Variants in MAPRE3 observed in about 807,000 individuals in gnomAD.
MAPRE3 encodes microtubule-associated protein RP/EB family member 3.
Under a neutral mutation model 30.5 loss-of-function variants are expected in MAPRE3, and 2 were observed. That is an observed-to-expected ratio of 0.07 (90% CI 0.03 to 0.21). MAPRE3 has a LOEUF of 0.21. MAPRE3 is among the 10% of genes least tolerant of loss of function. MAPRE3 has a pLI of 1.00. For synonymous variants in MAPRE3, 110 were observed against 127.7 expected (o/e 0.86, Z 0.93); for missense variants, 204 against 351.8 (o/e 0.58, Z 3.36).
chr2:26,999,703 T>C (rs1056747944), intron 1 of MAPRE3, among the ~76,000 whole-genome samples: 7 of 152,000 alleles, frequency 4.6e-5, no homozygotes, highest in African/African-American at 1.7e-4. Context: ...GGTTTCTCCA[T>C]GTTGGTCAGG....
At chr2:26,991,777 A>G (rs1666349324) in intron 1 of MAPRE3, among the ~76,000 whole-genome samples, 1 of 152,198 alleles carries the variant, frequency 6.6e-6, no homozygotes, top group Non-Finnish European at 1.5e-5. Context: ...TTGCATTTGT[A>G]GATCAGATTC....
intron 1 of MAPRE3, among the ~76,000 whole-genome samples, chr2:26,974,568 G>A (rs1665980005): frequency 6.6e-6 from 1 of 152,156 alleles, no homozygotes; most frequent in Non-Finnish European, 1.5e-5. Context: ...CCACCTCTCA[G>A]AATGGAACCT....
chr2:26,990,329 A>C (rs1666312461), intron 1 of MAPRE3, among the ~76,000 whole-genome samples: 1 of 151,910 alleles, frequency 6.6e-6, no homozygotes, highest in African/African-American at 2.4e-5. Context: ...GCCGCTTTCC[A>C]CTCAGTCCTT....
chr2:27,012,763 T>G (rs747462216), intron 1 of MAPRE3: 1 of 152,608 alleles, frequency 6.6e-6, no homozygotes, highest in Non-Finnish European at 1.5e-5. Context: ...CTGGACATCT[T>G]CAGCATCCGA....
At chr2:27,003,832 A>G (rs1347558237) in intron 1 of MAPRE3, among the ~76,000 whole-genome samples, 4 of 152,172 alleles carry the variant, frequency 2.6e-5, no homozygotes, top group Non-Finnish European at 5.9e-5. Context: ...GTCAAAGATT[A>G]TTTAAAACTC....
At chr2:26,976,999 G>A (rs1192754336) in intron 1 of MAPRE3, among the ~76,000 whole-genome samples, 2 of 152,150 alleles carry the variant, frequency 1.3e-5, no homozygotes, top group African/African-American at 4.8e-5. Context: ...GATTGGTCAG[G>A]CTCGCCCAAA....
chr2:26,995,874 G>A (rs1381470451), intron 1 of MAPRE3, among the ~76,000 whole-genome samples: 1 of 143,436 alleles, frequency 7.0e-6, no homozygotes, highest in Non-Finnish European at 1.5e-5. Flanking sequence ...ATACTAATGG[G>A]CCTTTTCTGT....
intron 1 of MAPRE3, among the ~76,000 whole-genome samples, chr2:27,019,002 C>T (rs1667053066): frequency 6.6e-6 from 1 of 151,950 alleles, no homozygotes; most frequent in Non-Finnish European, 1.5e-5. Context: ...CTGCAACACT[C>T]CACCTCTGGG....
At chr2:26,971,524 G>C (rs1338723245) in intron 1 of MAPRE3, among the ~76,000 whole-genome samples, 1 of 152,218 alleles carries the variant, frequency 6.6e-6, no homozygotes, top group East Asian at 1.9e-4. Context: ...AGAAGTAGTG[G>C]AGGGAAGGGA....
At chr2:27,001,228 G>A (rs1016044242) in intron 1 of MAPRE3, among the ~76,000 whole-genome samples, 1 of 152,198 alleles carries the variant, frequency 6.6e-6, no homozygotes, top group South Asian at 2.1e-4. Flanking sequence ...AGATGGTATT[G>A]CCTACTACAT....
chr2:26,995,301 T>G (rs1347150552), intron 1 of MAPRE3, among the ~76,000 whole-genome samples: 1 of 152,264 alleles, frequency 6.6e-6, no homozygotes, highest in Non-Finnish European at 1.5e-5. Flanking sequence ...CTGGTTTTGC[T>G]GCAGTCCTAT....
chr2:26,991,102 A>C lies in MAPRE3; in HGVS notation c.-8+20300A>C, dbSNP rs984354314. On this transcript the variant is annotated intron_variant, in intron 1 of 6. Coordinates refer to ENST00000233121, the MANE Select transcript of MAPRE3 (RefSeq NM_012326.4). ...CCCCGTCTCTACTAAAAATACAAAA[A>C]AATTAGCCAGGCGTGGTGGTGGGCG... Among the ~76,000 whole-genome samples the C allele has an allele frequency of 2.0e-5, 3 of 152,268 alleles. No individual in the cohort carries two copies. The East Asian group carries it at 5.8e-4, about 29-fold the overall frequency.
chr2:26,984,621 T>C (rs1387569850), intron 1 of MAPRE3, among the ~76,000 whole-genome samples: 1 of 152,258 alleles, frequency 6.6e-6, no homozygotes, highest in Non-Finnish European at 1.5e-5. Context: ...TTCTTCTGCA[T>C]ATGCAGCTTC....
intron 1 of MAPRE3, among the ~76,000 whole-genome samples, chr2:27,001,415 A>G (rs940436986): frequency 2.6e-5 from 4 of 152,190 alleles, no homozygotes; most frequent in African/African-American, 9.6e-5. Context: ...TTGAGGCGGC[A>G]GGATCACTTG....
At chr2:27,017,413 A>G (rs945010032) in intron 1 of MAPRE3, among the ~76,000 whole-genome samples, 3 of 152,210 alleles carry the variant, frequency 2.0e-5, no homozygotes, top group African/African-American at 7.2e-5. Context: ...AGCTTCCTTC[A>G]CACAGGCACT....
At chr2:26,983,014 G>T (rs563483174) in intron 1 of MAPRE3, among the ~76,000 whole-genome samples, 2 of 152,272 alleles carry the variant, frequency 1.3e-5, no homozygotes, top group East Asian at 3.9e-4. Flanking sequence ...TGAAAATTAG[G>T]AAGGCCCAAC....
At chr2:26,977,482 G>T (rs993290851) in intron 1 of MAPRE3, among the ~76,000 whole-genome samples, 1 of 152,104 alleles carries the variant, frequency 6.6e-6, no homozygotes, top group African/African-American at 2.4e-5. Context: ...TTTTTTGAGG[G>T]TTTTGCTCAT....
At position 27,026,730 on chromosome 2, in the gene MAPRE3, T is replaced by G; in HGVS notation, c.*382T>G. The G allele has an allele frequency of 5.5e-6, 1 of 183,376 alleles. No homozygotes were observed. The allele number at this position is 183,376 out of a possible 1,614,324, so 11.4% of individuals were successfully genotyped here. On this transcript the variant is annotated 3_prime_UTR_variant, in exon 7 of 7. Transcript: ENST00000233121. ...TACTTACTGGATTCTCCTTGCACTT[T>G]ACCTGTTCTTTTCCAGAGCTGACAG...
intron 1 of MAPRE3, among the ~76,000 whole-genome samples, chr2:27,005,998 C>T (rs922330825): frequency 1.3e-5 from 2 of 152,024 alleles, no homozygotes; most frequent in African/African-American, 2.4e-5. Flanking sequence ...CTTGCTAACA[C>T]GGTGAAACCC....
Sources: gnomAD v4.1 joint callset for allele counts (sites outside exome capture counted in the v4.1 genomes callset) on GRCh38, gnomAD v4.1.1 for gene constraint, MANE v1.5 for transcripts, NCBI Gene and HGNC (gene_info 2026-07-23, HGNC 2026-07-21) for gene names.